The following SAMD12 variants were observed in gnomAD, a reference collection of about 807,000 sequenced individuals.
The protein encoded by SAMD12 is sterile alpha motif domain containing 12, also known as sterile alpha motif domain-containing protein 12.
Under a neutral mutation model 15.0 loss-of-function variants are expected in SAMD12, and 9 were observed. The observed-to-expected ratio is 0.60, with a 90% CI of 0.36 to 1.05. SAMD12 has a LOEUF of 1.05. SAMD12 is among the 50% of genes least tolerant of loss of function. The pLI, the probability that SAMD12 is intolerant of heterozygous loss-of-function variation, is 0.01. For missense variants in SAMD12, 230 were observed against 234.2 expected, an observed-to-expected ratio of 0.98 and a Z score of 0.12; for synonymous variants, 86 against 90.1, an observed-to-expected ratio of 0.96 and a Z score of 0.25.
intron 2 of SAMD12, among the ~76,000 whole-genome samples, chr8:118,512,101 T>G (rs918911349): frequency 2.0e-5 from 3 of 152,174 alleles, no homozygotes; most frequent in Non-Finnish European, 4.4e-5. Context: ...AAATAGGATC[T>G]ATATTGTTTT....
intron 2 of SAMD12, among the ~76,000 whole-genome samples, chr8:118,526,066 C>T (rs1825529350): frequency 6.6e-6 from 1 of 152,166 alleles, no homozygotes; most frequent in African/African-American, 2.4e-5. Context: ...TGTCCTAAAG[C>T]TGGCAAAATT....
At chr8:118,366,227 G>A (rs933885005) in intron 4 of SAMD12, among the ~76,000 whole-genome samples, 2 of 152,102 alleles carry the variant, frequency 1.3e-5, no homozygotes, top group Non-Finnish European at 2.9e-5. Flanking sequence ...CTAATAGCTG[G>A]CAAAGTTCAG....
chr8:118,589,979 T>C (rs776122663), intron 1 of SAMD12, among the ~76,000 whole-genome samples: 2 of 152,076 alleles, frequency 1.3e-5, no homozygotes, highest in Admixed American at 6.5e-5. Context: ...GACAACTGAA[T>C]GGTAAAGAGA....
At position 118,487,408 on chromosome 8, in the gene SAMD12, A is replaced by G. The variant is rs1419081998; in HGVS notation, c.193-47447T>C. 3.9e-5 allele frequency among the ~76,000 whole-genome samples: 6 copies of G among 152,314 alleles called. No individual in the cohort carries two copies. In the East Asian group the frequency reaches 1.2e-3, roughly 29 times the overall value. ...CTGGAAGACAAGCCAGGCCACACTG[A>G]ACGTACATCAGATACCTTCATTATT... On this transcript the variant is annotated intron_variant, in intron 2 of 3. Coordinates refer to ENST00000314727, the MANE Select transcript of SAMD12 (RefSeq NM_207506.3).
At chr8:118,333,890 GAT>G (rs1197354329) in intron 4 of SAMD12, among the ~76,000 whole-genome samples, 2 of 138,266 alleles carry the variant, frequency 1.4e-5, no homozygotes, top group African/African-American at 5.6e-5. Flanking sequence ...GTTGGTGGGG[GAT>G]ATGTGTGTGT....
chr8:118,356,737 A>T (rs1348909518), intron 4 of SAMD12, among the ~76,000 whole-genome samples: 3 of 152,140 alleles, frequency 2.0e-5, no homozygotes, highest in Non-Finnish European at 2.9e-5. Context: ...AAGGGACCTC[A>T]AACCTCACAT....
chr8:118,612,388 T>C (rs958434907), intron 1 of SAMD12, among the ~76,000 whole-genome samples: 4 of 151,472 alleles, frequency 2.6e-5, no homozygotes, highest in Admixed American at 2.6e-4. Flanking sequence ...GTGGCATTTC[T>C]GGGCTATATC....
In SAMD12 at chr8:118,328,478, T is replaced by C. The variant is rs1003668550; in HGVS notation, c.433+51082A>G. Among the ~76,000 whole-genome samples the C allele has an allele frequency of 1.2e-4, 18 of 152,218 alleles. No individual in the cohort carries two copies. In the East Asian group the frequency reaches 2.1e-3, roughly 18 times the overall value. ...TATAAAGCAATTCATTCACAACTGT[T>C]ATTTAATAATTATTTGTGCAATTCT... On this transcript the variant is annotated intron_variant, in intron 4 of 4. Transcript: ENST00000409003.
At chr8:118,161,734 A>G in the SAMD12 span, among the ~76,000 whole-genome samples, 1 of 151,590 alleles carries the variant, frequency 6.6e-6, no homozygotes, top group African/African-American at 2.4e-5. Context: ...ATTGTTATCA[A>G]TATGTTTAAC....
chr8:118,549,899 G>A (rs1040394625), intron 2 of SAMD12, among the ~76,000 whole-genome samples: 8 of 152,112 alleles, frequency 5.3e-5, no homozygotes, highest in East Asian at 1.9e-4. Flanking sequence ...CTCAGGAGCC[G>A]ATGCGATCAA....
chr8:118,418,390 G>A (rs575171796), intron 3 of SAMD12, among the ~76,000 whole-genome samples: 6 of 152,016 alleles, frequency 3.9e-5, no homozygotes, highest in African/African-American at 1.2e-4. Flanking sequence ...AGGTGATAAA[G>A]AAGAAGGGAT....
chr8:118,168,372 A>G, the SAMD12 span, among the ~76,000 whole-genome samples: 1 of 152,096 alleles, frequency 6.6e-6, no homozygotes, highest in Non-Finnish European at 1.5e-5. Context: ...GTGACCACAT[A>G]GGCCCCACCG....
chr8:118,449,846 A>G (rs1026426930), intron 2 of SAMD12, among the ~76,000 whole-genome samples: 2 of 151,462 alleles, frequency 1.3e-5, no homozygotes, highest in African/African-American at 4.9e-5. Flanking sequence ...GAAAATATAG[A>G]AAAAGGGGGA....
At chr8:118,206,991 T>C (rs1034409903) in intron 4 of SAMD12, among the ~76,000 whole-genome samples, 1 of 152,186 alleles carries the variant, frequency 6.6e-6, no homozygotes, top group Non-Finnish European at 1.5e-5. Flanking sequence ...AATCAATGAA[T>C]GTATGTATGA....
chr8:118,506,934 C>T (rs1824936247), intron 2 of SAMD12, among the ~76,000 whole-genome samples: 1 of 151,950 alleles, frequency 6.6e-6, no homozygotes, highest in Non-Finnish European at 1.5e-5. Context: ...AGTACTGTCA[C>T]TCATGGGAGG....
chr8:118,138,151 C>T, the SAMD12 span, among the ~76,000 whole-genome samples: 5 of 152,054 alleles, frequency 3.3e-5, no homozygotes, highest in African/African-American at 1.2e-4. Context: ...CAGCATGGAA[C>T]AGTGATAAGA....
At chr8:118,508,018 G>C (rs1317688817) in intron 2 of SAMD12, among the ~76,000 whole-genome samples, 1 of 108,584 alleles carries the variant, frequency 9.2e-6, no homozygotes, top group East Asian at 2.5e-4. Context: ...TTTTGAGACA[G>C]GGTCTCGCTC....
At chr8:118,209,023 G>A (rs1251003388) in intron 4 of SAMD12, among the ~76,000 whole-genome samples, 1 of 152,142 alleles carries the variant, frequency 6.6e-6, no homozygotes, top group African/African-American at 2.4e-5. Context: ...TGATTATCTT[G>A]TTTACATAAA....
chr8:118,256,818 A>ACG (rs1337283259), intron 4 of SAMD12, among the ~76,000 whole-genome samples: 2 of 148,548 alleles, frequency 1.3e-5, no homozygotes, highest in South Asian at 2.2e-4. Context: ...ACACACACAC[A>ACG]CACGCACACA....
Sources: gnomAD v4.1 joint callset for allele counts (sites outside exome capture counted in the v4.1 genomes callset) on GRCh38, gnomAD v4.1.1 for gene constraint, MANE v1.5 for transcripts, NCBI Gene and HGNC (gene_info 2026-07-23, HGNC 2026-07-21) for gene names.